The following SUSD4 variants were observed in gnomAD, a reference collection of about 807,000 sequenced individuals.
SUSD4 encodes sushi domain-containing protein 4.
SUSD4 carries 41 observed loss-of-function variants against 50.5 expected under a neutral mutation model. The ratio of observed to expected loss-of-function variants is 0.81; its 90% CI spans 0.63 to 1.05. The LOEUF is 1.05. SUSD4 is among the 50% of genes least tolerant of loss of function. SUSD4 has a pLI of 0.00. For missense variants in SUSD4, 580 were observed against 634.7 expected (o/e 0.91, Z 0.93); for synonymous variants, 257 against 257.3 (o/e 1.00, Z 0.01).
intron 2 of SUSD4, among the ~76,000 whole-genome samples, chr1:223,300,319 C>G (rs1665101512): frequency 6.6e-6 from 1 of 152,174 alleles, no homozygotes; most frequent in Admixed American, 6.5e-5. Context: ...TTTCTTTTCT[C>G]CTAACCAAAA....
rs752681258 is a variant in SUSD4, at chr1:223,292,632, C to T, written c.168G>A (p.Val56=). 6.2e-6 allele frequency: 10 copies of T among 1,614,008 alleles called. No individual in the cohort carries two copies. The highest frequency in any genetic ancestry group is 4.0e-5 in the African/African-American group (3 of 74,912). Residue 56 remains valine (V), a synonymous_variant, in exon 3 of 9, where the codon GTG becomes GTA. Transcript: ENST00000366878. The part of the protein sequence containing the change: ...QLTGGFDDLQ[V]CADPGIPENG... ...TCTCGGGAATGCCGGGGTCAGCACA[C>T]ACTTGAAGGTCATCGAACCCTACAT...
intron 2 of SUSD4, among the ~76,000 whole-genome samples, chr1:223,336,316 G>A (rs1271500479): frequency 6.6e-6 from 1 of 152,198 alleles, no homozygotes; most frequent in Non-Finnish European, 1.5e-5. Flanking sequence ...AGAAGAATGG[G>A]AAATGGGGAA....
At chr1:223,311,169 T>C (rs149883567) in intron 2 of SUSD4, among the ~76,000 whole-genome samples, 1 of 152,342 alleles carries the variant, frequency 6.6e-6, no homozygotes, top group Non-Finnish European at 1.5e-5. Context: ...GAAAAAGCAG[T>C]CGTCTGTTCA....
At chr1:223,226,938 T>A (rs1220660792) in intron 7 of SUSD4, among the ~76,000 whole-genome samples, 1 of 152,156 alleles carries the variant, frequency 6.6e-6, no homozygotes, top group African/African-American at 2.4e-5. Context: ...GTGGCTCTTC[T>A]TTGTTCCTAA....
intron 8 of SUSD4, among the ~76,000 whole-genome samples, chr1:223,223,036 C>T (rs545375100): frequency 6.6e-6 from 1 of 152,346 alleles, no homozygotes; most frequent in African/African-American, 2.4e-5. Flanking sequence ...GGGCTCATTA[C>T]TTGCAAGATG....
At chr1:223,292,221 T>A (rs562777000) in intron 3 of SUSD4, among the ~76,000 whole-genome samples, 2 of 152,188 alleles carry the variant, frequency 1.3e-5, no homozygotes, top group African/African-American at 4.8e-5. Flanking sequence ...TAGATTGTAA[T>A]TGAGACAGAG....
chr1:223,296,121 T>C (rs1395356502), intron 2 of SUSD4, among the ~76,000 whole-genome samples: 3 of 152,034 alleles, frequency 2.0e-5, no homozygotes, highest in Non-Finnish European at 4.4e-5. Flanking sequence ...GGGCAGGCAT[T>C]TGAGAACTGT....
intron 2 of SUSD4, among the ~76,000 whole-genome samples, chr1:223,299,855 C>A (rs1343425879): frequency 6.6e-6 from 1 of 152,146 alleles, no homozygotes; most frequent in Non-Finnish European, 1.5e-5. Context: ...ATCATTGGCT[C>A]TCCTGGGTCT....
intron 2 of SUSD4, among the ~76,000 whole-genome samples, chr1:223,317,858 T>C (rs1419056229): frequency 1.4e-5 from 2 of 141,080 alleles, no homozygotes; most frequent in African/African-American, 2.6e-5. Context: ...TTTCTTTTTT[T>C]TTTTTTTTTT....
chr1:223,298,126 A>T (rs1664952879), intron 2 of SUSD4, among the ~76,000 whole-genome samples: 1 of 151,912 alleles, frequency 6.6e-6, no homozygotes, highest in Non-Finnish European at 1.5e-5. Context: ...AGATGGATGG[A>T]TGGATGAATG....
chr1:223,236,464 G>A (rs1354432028), intron 5 of SUSD4, among the ~76,000 whole-genome samples: 1 of 151,490 alleles, frequency 6.6e-6, no homozygotes, highest in Non-Finnish European at 1.5e-5. Context: ...TACTCTAAGA[G>A]TTTCACAGTT....
upstream of SUSD4, among the ~76,000 whole-genome samples, chr1:223,364,791 T>G (rs1477199116): frequency 6.6e-6 from 1 of 151,850 alleles, no homozygotes; most frequent in Non-Finnish European, 1.5e-5. The surrounding 1 kb of genome is among the most constrained non-coding windows in gnomAD (Gnocchi z 4.5). Context: ...ACAGACCCGG[T>G]TAACTTGAGC....
chr1:223,327,401 A>G (rs1010839747), intron 2 of SUSD4, among the ~76,000 whole-genome samples: 1 of 152,198 alleles, frequency 6.6e-6, no homozygotes, highest in Non-Finnish European at 1.5e-5. Flanking sequence ...GACTCAGCTG[A>G]TGGGTACACT....
At position 223,269,785 on chromosome 1, in the gene SUSD4, G is replaced by GT. The variant is rs138330344; in HGVS notation, c.362-1111dup. 5.3e-3 allele frequency among the ~76,000 whole-genome samples: 805 copies of GT among 152,264 alleles called. 43 individuals carry two copies. The East Asian group carries it at 0.11, about 21-fold the overall frequency. ...AAATTTCTCAACGCTTTAAAAGATTGTAGGTCTCTTATCCATTCCCCAAAT... is the reference window on the plus strand; with the variant it reads ...AAATTTCTCAACGCTTTAAAAGATTGTTAGGTCTCTTATCCATTCCCCAAAT... On this transcript the variant is annotated intron_variant, in intron 3 of 8. Transcript: ENST00000366878.
chr1:223,307,410 G>A (rs1665604785), intron 2 of SUSD4, among the ~76,000 whole-genome samples: 1 of 152,200 alleles, frequency 6.6e-6, no homozygotes, highest in African/African-American at 2.4e-5. Context: ...AACCCCATGA[G>A]ATCAATGACA....
chr1:223,327,574 G>A (rs1666947438), intron 2 of SUSD4, among the ~76,000 whole-genome samples: 1 of 152,196 alleles, frequency 6.6e-6, no homozygotes, highest in African/African-American at 2.4e-5. Flanking sequence ...GGGGCCACAA[G>A]GCTAAAGGAG....
Position 223,339,451 on chromosome 1 carries a change from CG to C in SUSD4, c.148+23826del, listed in dbSNP as rs547160750. 2.4e-3 allele frequency among the ~76,000 whole-genome samples: 368 copies of C among 152,198 alleles called. 2 individuals are homozygous for C. Among genetic ancestry groups the C allele is most frequent in the Middle Eastern group, 0.02 (6 of 294 alleles). ...CATTTGCCTGCAGAGAATGAGCCAG[CG>C]GGGCAGGGGTGGGACAGGACAGAGG... On this transcript the variant is annotated intron_variant, in intron 2 of 8. Transcript: ENST00000366878.
At chr1:223,350,290 T>A (rs1246683786) in intron 2 of SUSD4, among the ~76,000 whole-genome samples, 1 of 152,254 alleles carries the variant, frequency 6.6e-6, no homozygotes, top group East Asian at 1.9e-4. Context: ...TCTTAGCACC[T>A]AAGGCAGCCC....
intron 3 of SUSD4, 64 bp from the exon 4 acceptor site, chr1:223,268,739 C>T (rs1662701538): frequency 1.3e-6 from 2 of 1,513,802 alleles, no homozygotes; most frequent in Middle Eastern, 3.6e-4. Context: ...TTCACAGCTT[C>T]ACGAGAAAGC....
Sources: allele counts gnomAD v4.1 joint callset (sites outside exome capture counted in the v4.1 genomes callset), GRCh38; gene constraint gnomAD v4.1.1; non-coding constraint Gnocchi (gnomAD v3.1); transcripts MANE v1.5; gene names NCBI Gene and HGNC (gene_info 2026-07-23, HGNC 2026-07-21).